The following EXOC6B variants were observed in gnomAD, a reference collection of about 807,000 sequenced individuals.
EXOC6B encodes the protein exocyst complex component 6B.
EXOC6B carries 54 observed loss-of-function variants against 113.5 expected under a neutral mutation model. That is an observed-to-expected ratio of 0.48 (90% CI 0.38 to 0.60). The LOEUF (loss-of-function observed/expected upper bound fraction) is 0.60, where lower values mean the gene tolerates loss of function less well. EXOC6B is among the 20% of genes least tolerant of loss of function. The pLI is 0.00. For missense variants in EXOC6B, 797 were observed against 977.5 expected (o/e 0.82, Z 2.46); for synonymous variants, 357 against 339.0 (o/e 1.05, Z -0.58).
At chr2:72,748,395 G>A (rs1330770838) in intron 1 of EXOC6B, among the ~76,000 whole-genome samples, 2 of 152,014 alleles carry the variant, frequency 1.3e-5, no homozygotes, top group Non-Finnish European at 2.9e-5. Flanking sequence ...GAAACTGCAG[G>A]AGGTCAAAAG....
At chr2:72,362,741 C>A (rs1222015873) in intron 19 of EXOC6B, among the ~76,000 whole-genome samples, 1 of 152,068 alleles carries the variant, frequency 6.6e-6, no homozygotes, top group Non-Finnish European at 1.5e-5. Flanking sequence ...AATGCAAGTT[C>A]CTTCCAAAAA....
intron 18 of EXOC6B, among the ~76,000 whole-genome samples, chr2:72,405,557 T>C (rs573976224): frequency 6.6e-6 from 1 of 152,264 alleles, no homozygotes; most frequent in East Asian, 1.9e-4. Flanking sequence ...TCAACATTCT[T>C]ACAGAAAAGA....
intron 1 of EXOC6B, among the ~76,000 whole-genome samples, chr2:72,749,093 G>A (rs887866863): frequency 6.6e-6 from 1 of 151,918 alleles, no homozygotes; most frequent in Non-Finnish European, 1.5e-5. Flanking sequence ...TTATTTCATT[G>A]TATCTTTCAG....
intron 11 of EXOC6B, among the ~76,000 whole-genome samples, chr2:72,503,277 A>G (rs1287936311): frequency 4.6e-5 from 7 of 152,176 alleles, no homozygotes; most frequent in Non-Finnish European, 8.8e-5. Flanking sequence ...ATAAATTGAT[A>G]TGTTCCACCA....
chr2:72,684,850 T>A (rs1676965593), intron 6 of EXOC6B, among the ~76,000 whole-genome samples: 1 of 151,956 alleles, frequency 6.6e-6, no homozygotes, highest in Non-Finnish European at 1.5e-5. Context: ...ATGAGAGAAG[T>A]CTGGGATGAT....
intron 20 of EXOC6B, among the ~76,000 whole-genome samples, chr2:72,327,445 A>T (rs979036228): frequency 6.6e-6 from 1 of 152,088 alleles, no homozygotes; most frequent in Non-Finnish European, 1.5e-5. Context: ...AAACAATTCC[A>T]TGGGGACTTT....
intron 20 of EXOC6B, among the ~76,000 whole-genome samples, chr2:72,283,731 C>A (rs143859514): frequency 1.7e-3 from 258 of 152,158 alleles, no homozygotes; most frequent in African/African-American, 5.3e-3. Flanking sequence ...AACTAGTCAA[C>A]CAAACCCTAA....
intron 7 of EXOC6B, among the ~76,000 whole-genome samples, chr2:72,569,533 G>C (rs1487559289): frequency 1.3e-5 from 2 of 152,052 alleles, no homozygotes; most frequent in Non-Finnish European, 2.9e-5. Flanking sequence ...ATTTTTATGT[G>C]AATCTAATTG....
chr2:72,691,109 A>G (rs1278960815), intron 6 of EXOC6B, among the ~76,000 whole-genome samples: 3 of 152,194 alleles, frequency 2.0e-5, no homozygotes, highest in African/African-American at 4.8e-5. Context: ...TTAAAATAAA[A>G]TAAAATAAAT....
intron 19 of EXOC6B, among the ~76,000 whole-genome samples, chr2:72,350,154 T>C (rs1572952318): frequency 1.3e-5 from 2 of 152,204 alleles, no homozygotes; most frequent in African/African-American, 2.4e-5. Flanking sequence ...TTTATCTACA[T>C]GGCCACTTCT....
intron 6 of EXOC6B, among the ~76,000 whole-genome samples, chr2:72,689,256 G>A (rs1266728102): frequency 6.6e-6 from 1 of 152,062 alleles, no homozygotes; most frequent in Non-Finnish European, 1.5e-5. Flanking sequence ...ATGTCTCCTA[G>A]GCCCATTAAC....
chr2:72,218,985 G>GA (rs1320615606), intron 20 of EXOC6B, among the ~76,000 whole-genome samples: 1 of 150,788 alleles, frequency 6.6e-6, no homozygotes, highest in Non-Finnish European at 1.5e-5. Flanking sequence ...AGGAACAAAG[G>GA]AAAAAAAATG....
intron 7 of EXOC6B, among the ~76,000 whole-genome samples, chr2:72,570,075 C>G (rs1704427410): frequency 6.6e-6 from 1 of 151,914 alleles, no homozygotes; most frequent in South Asian, 2.1e-4. Flanking sequence ...GGAGACTGGG[C>G]CTTTAAAGAG....
intron 20 of EXOC6B, among the ~76,000 whole-genome samples, chr2:72,288,402 A>G (rs543628138): frequency 7.4e-4 from 113 of 152,264 alleles, no homozygotes; most frequent in African/African-American, 2.5e-3. Context: ...GTAAAAATAA[A>G]AAAAAGACAA....
chr2:72,242,317 T>C (rs1306189127), intron 20 of EXOC6B, among the ~76,000 whole-genome samples: 1 of 152,166 alleles, frequency 6.6e-6, no homozygotes, highest in Non-Finnish European at 1.5e-5. Context: ...GCAACTATAG[T>C]TATGAATAAG....
At chr2:72,452,804 C>A (rs1417813585) in intron 18 of EXOC6B, among the ~76,000 whole-genome samples, 2 of 152,168 alleles carry the variant, frequency 1.3e-5, no homozygotes, top group Non-Finnish European at 2.9e-5. Context: ...GAGTAACAGA[C>A]AAACCAGTGT....
intron 19 of EXOC6B, among the ~76,000 whole-genome samples, chr2:72,365,204 T>C (rs1449513155): frequency 6.6e-6 from 1 of 152,096 alleles, no homozygotes; most frequent in Admixed American, 6.6e-5. Flanking sequence ...ACTTTTCTTT[T>C]TTCCCCACCA....
intron 1 of EXOC6B, among the ~76,000 whole-genome samples, chr2:72,790,461 T>A (rs933291825): frequency 6.6e-6 from 1 of 152,086 alleles, no homozygotes; most frequent in Non-Finnish European, 1.5e-5. Context: ...AAAATTAAAA[T>A]AAGGTAAAGA....
intron 18 of EXOC6B, among the ~76,000 whole-genome samples, chr2:72,382,377 T>C (rs909671401): frequency 6.6e-6 from 1 of 152,192 alleles, no homozygotes; most frequent in Non-Finnish European, 1.5e-5. Context: ...CTCTATTTCA[T>C]TCCATTGGTC....
Sources: allele counts gnomAD v4.1 joint callset (sites outside exome capture counted in the v4.1 genomes callset), GRCh38; gene constraint gnomAD v4.1.1; transcripts MANE v1.5; gene names NCBI Gene and HGNC (gene_info 2026-07-23, HGNC 2026-07-21).